TRIO: variants seen among roughly 807,000 people sequenced by gnomAD.
The protein encoded by TRIO is trio Rho guanine nucleotide exchange factor, also known as triple functional domain protein.
Under a neutral mutation model 351.9 loss-of-function variants are expected in TRIO, and 58 were observed. The ratio of observed to expected loss-of-function variants is 0.16; its 90% CI spans 0.13 to 0.21. TRIO has a LOEUF of 0.21. Among genes scored for constraint, TRIO ranks in the 10% least tolerant of loss-of-function variants. TRIO has a pLI of 1.00. For synonymous variants in TRIO, 1,758 were observed against 1,595.7 expected (o/e 1.10, Z -2.42); for missense variants, 3,201 against 4,027.8 (o/e 0.79, Z 5.56).
intron 1 of TRIO, among the ~76,000 whole-genome samples, chr5:14,211,718 CAG>C (rs780329103): frequency 1.3e-5 from 2 of 149,066 alleles, no homozygotes; most frequent in Admixed American, 6.8e-5. Context: ...TCTTAAGAAA[CAG>C]AATGTGGCAA....
At chr5:14,506,838 G>A (rs992471450) in intron 55 of TRIO, among the ~76,000 whole-genome samples, 8 of 152,120 alleles carry the variant, frequency 5.3e-5, no homozygotes, top group African/African-American at 1.2e-4. Flanking sequence ...GCCGGCAGCC[G>A]GGCCACGCCA....
intron 34 of TRIO, among the ~76,000 whole-genome samples, chr5:14,426,138 A>C (rs1750621506): frequency 6.6e-6 from 1 of 152,042 alleles, no homozygotes; most frequent in East Asian, 1.9e-4. Context: ...CTCTTGCTTA[A>C]ATTTCTTTGG....
intron 33 of TRIO, among the ~76,000 whole-genome samples, chr5:14,416,923 G>T (rs191529176): frequency 6.6e-6 from 1 of 152,194 alleles, no homozygotes; most frequent in East Asian, 1.9e-4. Context: ...AGCTTCTCAC[G>T]TGCGCTCAGT....
chr5:14,296,015 C>T (rs1039286136), intron 6 of TRIO, among the ~76,000 whole-genome samples: 1 of 152,190 alleles, frequency 6.6e-6, no homozygotes, highest in Non-Finnish European at 1.5e-5. Flanking sequence ...CAAGTGAGTT[C>T]TTTCAGCTGC....
At chr5:14,248,232 T>A (rs1279736889) in intron 1 of TRIO, among the ~76,000 whole-genome samples, 1 of 152,140 alleles carries the variant, frequency 6.6e-6, no homozygotes, top group Non-Finnish European at 1.5e-5. Context: ...AAAATTAGAT[T>A]TTGAAGGAAT....
Position 14,416,737 on chromosome 5 carries a change from T to C in TRIO, c.4960-3041T>C, listed in dbSNP as rs539803143. The stretch of plus-strand genomic sequence containing the variant: ...TCCTCCTTCTTCGGCAGCCCCTCTC[T>C]CCCCTTCCCACCCTTCCCCCACCCG... On this transcript the variant is annotated intron_variant, in intron 33 of 56. Transcript: ENST00000344204. Among the ~76,000 whole-genome samples the C allele has an allele frequency of 1.1e-4, 17 of 152,242 alleles. No homozygotes were observed. In the South Asian group the frequency reaches 1.2e-3, roughly 11 times the overall value.
At chr5:14,186,388 A>T (rs747528238) in intron 1 of TRIO, among the ~76,000 whole-genome samples, 1 of 152,158 alleles carries the variant, frequency 6.6e-6, no homozygotes, top group African/African-American at 2.4e-5. Context: ...GTTCCAGAGC[A>T]CGGTCTAAAT....
intron 1 of TRIO, among the ~76,000 whole-genome samples, chr5:14,227,410 G>A (rs1360523032): frequency 6.6e-6 from 1 of 152,240 alleles, no homozygotes; most frequent in Non-Finnish European, 1.5e-5. Context: ...GTTGGTTACA[G>A]TGTAACTCTA....
At chr5:14,149,404 A>T (rs1451545245) in intron 1 of TRIO, among the ~76,000 whole-genome samples, 1 of 152,172 alleles carries the variant, frequency 6.6e-6, no homozygotes, top group Non-Finnish European at 1.5e-5. Flanking sequence ...TCATTCACTC[A>T]TGGAAACACT....
At chr5:14,205,442 C>T (rs1226022749) in intron 1 of TRIO, among the ~76,000 whole-genome samples, 1 of 152,210 alleles carries the variant, frequency 6.6e-6, no homozygotes, top group African/African-American at 2.4e-5. Flanking sequence ...AGTCAATACA[C>T]TGTTCATTAC....
At chr5:14,170,704 C>G (rs1789047966) in intron 1 of TRIO, among the ~76,000 whole-genome samples, 1 of 152,038 alleles carries the variant, frequency 6.6e-6, no homozygotes, top group African/African-American at 2.4e-5. Flanking sequence ...CGGGGTTTCA[C>G]CATGTTGGCC....
intron 1 of TRIO, among the ~76,000 whole-genome samples, chr5:14,205,721 C>G (rs1791417336): frequency 6.6e-6 from 1 of 152,194 alleles, no homozygotes; most frequent in Non-Finnish European, 1.5e-5. Flanking sequence ...TACTTTTATA[C>G]AAATGTTTTT....
chr5:14,299,478 T>A (rs374943162), intron 7 of TRIO, among the ~76,000 whole-genome samples: 1 of 152,032 alleles, frequency 6.6e-6, no homozygotes, highest in Non-Finnish European at 1.5e-5. Context: ...GATGGGAGAT[T>A]AGGACGTCTT....
intron 9 of TRIO, among the ~76,000 whole-genome samples, chr5:14,320,295 T>C (rs1739763455): frequency 6.6e-6 from 1 of 152,200 alleles, no homozygotes; most frequent in Non-Finnish European, 1.5e-5. Flanking sequence ...CCTGTTCAGA[T>C]GGGTAGTAGT....
At chr5:14,276,520 C>A (rs914781930) in intron 2 of TRIO, among the ~76,000 whole-genome samples, 9 of 152,242 alleles carry the variant, frequency 5.9e-5, no homozygotes, top group Non-Finnish European at 5.9e-5. Flanking sequence ...CGTTAGCCAT[C>A]ATTTCTCTTT....
intron 33 of TRIO, among the ~76,000 whole-genome samples, chr5:14,415,508 T>G (rs1374032700): frequency 2.0e-5 from 3 of 152,120 alleles, no homozygotes; most frequent in African/African-American, 4.8e-5. Context: ...GTGTGAGAAG[T>G]CCCCAGCCAC....
intron 9 of TRIO, among the ~76,000 whole-genome samples, chr5:14,330,052 AGTTT>A (rs1400922086): frequency 3.3e-5 from 5 of 152,202 alleles, no homozygotes; most frequent in African/African-American, 1.2e-4. Context: ...GGTCAACTCT[AGTTT>A]GTTAGATATT....
intron 21 of TRIO, among the ~76,000 whole-genome samples, chr5:14,382,797 C>A (rs994319719): frequency 6.7e-6 from 1 of 149,184 alleles, no homozygotes; most frequent in Admixed American, 6.7e-5. Flanking sequence ...GTTACCCAGG[C>A]TGGAATACAT....
At chr5:14,419,446 A>G (rs969957658) in intron 33 of TRIO, among the ~76,000 whole-genome samples, 2 of 152,164 alleles carry the variant, frequency 1.3e-5, no homozygotes, top group East Asian at 1.9e-4. Flanking sequence ...TTGGAACAGA[A>G]CTTTATCTCA....
Sources: gnomAD v4.1 joint callset for allele counts (sites outside exome capture counted in the v4.1 genomes callset) on GRCh38, gnomAD v4.1.1 for gene constraint, MANE v1.5 for transcripts, NCBI Gene and HGNC (gene_info 2026-07-23, HGNC 2026-07-21) for gene names.